The following MVB12B variants were observed in gnomAD, a reference collection of about 807,000 sequenced individuals.
MVB12B encodes the protein multivesicular body subunit 12B, also known as ESCRT-I complex subunit MVB12B.
In MVB12B, 16 loss-of-function variants were observed where a neutral mutation model predicts 41.6. The observed-to-expected ratio is 0.38, with a 90% CI of 0.26 to 0.58. The LOEUF (loss-of-function observed/expected upper bound fraction) is 0.58. Among genes scored for constraint, MVB12B ranks in the 20% least tolerant of loss-of-function variants. MVB12B has a pLI of 0.62. For synonymous variants in MVB12B, 133 were observed against 139.7 expected (o/e 0.95, Z 0.34); for missense variants, 274 against 380.2 (o/e 0.72, Z 2.32).
intron 2 of MVB12B, among the ~76,000 whole-genome samples, chr9:126,366,243 C>G (rs1830178385): frequency 6.6e-6 from 1 of 152,044 alleles, no homozygotes; most frequent in African/African-American, 2.4e-5. Flanking sequence ...TATCCCCACT[C>G]ACCCCTCAAT....
At chr9:126,457,109 C>T (rs1832999596) in intron 7 of MVB12B, among the ~76,000 whole-genome samples, 1 of 152,180 alleles carries the variant, frequency 6.6e-6, no homozygotes, top group Non-Finnish European at 1.5e-5. Flanking sequence ...CTTATTCCTC[C>T]CAGAGTAGAG....
intron 9 of MVB12B, among the ~76,000 whole-genome samples, chr9:126,494,185 T>C (rs1051314350): frequency 6.6e-6 from 1 of 152,148 alleles, no homozygotes; most frequent in African/African-American, 2.4e-5. Context: ...TTTTGACAAA[T>C]ATCTTTGAAT....
chr9:126,460,758 T>A (rs1833072132), intron 7 of MVB12B, among the ~76,000 whole-genome samples: 1 of 152,172 alleles, frequency 6.6e-6, no homozygotes, highest in Non-Finnish European at 1.5e-5. Flanking sequence ...ATGAGAAGAC[T>A]CCCTGGGTTC....
At chr9:126,476,316 C>T (rs375747418) in intron 7 of MVB12B, among the ~76,000 whole-genome samples, 4 of 152,348 alleles carry the variant, frequency 2.6e-5, no homozygotes, top group African/African-American at 9.6e-5. Context: ...GCCCCACCAA[C>T]TCCCCAGGGT....
At chr9:126,424,892 C>T (rs186338605) in intron 7 of MVB12B, among the ~76,000 whole-genome samples, 36 of 152,288 alleles carry the variant, frequency 2.4e-4, no homozygotes, top group Middle Eastern at 3.4e-3. Flanking sequence ...GGATAAGCAC[C>T]GCCACTTCTC....
intron 2 of MVB12B, among the ~76,000 whole-genome samples, chr9:126,351,483 C>CTTTTTTTTT (rs34141510): frequency 2.2e-4 from 19 of 86,314 alleles, no homozygotes; most frequent in Non-Finnish European, 2.5e-4. Flanking sequence ...GTCTTTCACT[C>CTTTTTTTTT]TTTTTTTTTT....
intron 6 of MVB12B, chr9:126,397,400 G>A: frequency 1.0e-6 from 1 of 985,448 alleles, no homozygotes; most frequent in Non-Finnish European, 1.2e-6. Flanking sequence ...GGAGGGTAGT[G>A]CGTCAGAACC....
rs1830942945 is a variant in MVB12B at position 126,391,243 on chromosome 9, G to C, written c.410-823G>C. ...TGAGTCTAATCGAGGCTTTAGCTCT[G>C]CCAGCCTACAGGAGGCACAGGGGAG... On this transcript the variant is annotated intron_variant, in intron 4 of 9. Transcript: ENST00000361171. This position sits in a 1 kb window ranked among gnomAD's most constrained non-coding sequence, Gnocchi z 4.4. Among the ~76,000 whole-genome samples the C allele has an allele frequency of 6.6e-6, 1 of 152,198 alleles. No individual in the cohort carries two copies. Among genetic ancestry groups the C allele is most frequent in the South Asian group, 2.1e-4 (1 of 4,834 alleles).
At chr9:126,334,863 C>G (rs897873839) in intron 1 of MVB12B, among the ~76,000 whole-genome samples, 1 of 152,202 alleles carries the variant, frequency 6.6e-6, no homozygotes, top group African/African-American at 2.4e-5. Flanking sequence ...TGCTGTAGAA[C>G]TTGATCCTGA....
chr9:126,395,893 T>G lies in MVB12B; in HGVS notation c.662+196T>G. ...CATTACATGAATGCAAAGGCCATTC[T>G]ATAGTCTATTTTGTGCGTGTTCTGC... On this transcript the variant is annotated intron_variant, in intron 6 of 9. Transcript: ENST00000361171. The surrounding 1 kb of genome is among the most constrained non-coding windows in gnomAD (Gnocchi z 4.9). 7.1e-7 allele frequency: 1 copy of G among 1,404,282 alleles called. No homozygotes were observed. Among genetic ancestry groups the G allele is most frequent in the Non-Finnish European group, 9.2e-7 (1 of 1,082,434 alleles). 87.0% of individuals were successfully genotyped at this position (1,404,282 alleles called of 1,614,324 possible).
At chr9:126,397,164 A>G in intron 6 of MVB12B, 1 of 985,510 alleles carries the variant, frequency 1.0e-6, no homozygotes, top group Non-Finnish European at 1.2e-6. Flanking sequence ...GTTGCCCTGA[A>G]GTTGTTACAG....
At position 126,389,170 on chromosome 9, in the gene MVB12B, A is replaced by G. The variant is rs1490327216; in HGVS notation, c.409+2512A>G. 1.3e-5 allele frequency among the ~76,000 whole-genome samples: 2 copies of G among 152,120 alleles called. No individual in the cohort carries two copies. The highest frequency in any genetic ancestry group is 2.9e-5 in the Non-Finnish European group (2 of 68,014). On this transcript the variant is annotated intron_variant, in intron 4 of 9. Coordinates refer to ENST00000361171, the MANE Select transcript of MVB12B (RefSeq NM_033446.3). The surrounding 1 kb of genome is among the most constrained non-coding windows in gnomAD (Gnocchi z 4.4). ...GACTCTGAGATCGGTCCTGGGCCCA[A>G]TGCCAGGTGCCTTGTCACACAGGAG... is the stretch of plus-strand genomic sequence containing the variant.
Position 126,484,524 on chromosome 9 carries a change from CT to C in MVB12B, c.873+494del, listed in dbSNP as rs1833593275. On this transcript the variant is annotated intron_variant, in intron 9 of 9. Transcript: ENST00000361171. ...ACTGTGCTTCATGAGGTCAGGGTAC[CT>C]TCTTCCACTGTGCTTCATGAGGTCA... is the stretch of plus-strand genomic sequence containing the variant. Among the ~76,000 whole-genome samples, 2 of 4,070 alleles carry C rather than the reference CT, an allele frequency of 4.9e-4. 1 individual carries two copies. The highest frequency in any genetic ancestry group is 2.0e-3 in the Non-Finnish European group (2 of 976). The allele number at this position is 4,070 out of a possible 152,430, so 2.7% of individuals were successfully genotyped here. A position where few individuals can be genotyped will look rare whatever the true frequency, so the allele number is the denominator to read the frequency against.
rs552536261 is a variant in MVB12B, at chr9:126,483,821, G to A, written c.814-152G>A. The A allele has an allele frequency of 7.3e-4, 567 of 779,168 alleles. 2 individuals are homozygous for A. The Middle Eastern group carries it at 0.015, about 21-fold the overall frequency. 48.3% of individuals were successfully genotyped at this position (779,168 alleles called of 1,614,324 possible). On this transcript the variant is annotated intron_variant, in intron 8 of 9. Coordinates refer to ENST00000361171, the MANE Select transcript of MVB12B (RefSeq NM_033446.3). The stretch of plus-strand genomic sequence containing the variant: ...TCTCCTGCCACCCCCACGCGTGACC[G>A]AGAGTCCCACTGACTGTCTTCCTGT...
chr9:126,400,574 G>A (rs1377620480), intron 6 of MVB12B, among the ~76,000 whole-genome samples: 1 of 152,206 alleles, frequency 6.6e-6, no homozygotes, highest in Non-Finnish European at 1.5e-5. Flanking sequence ...TAGGGTCACA[G>A]ACACCTTGTC....
At chr9:126,373,861 G>A (rs1564295677) in intron 2 of MVB12B, among the ~76,000 whole-genome samples, 1 of 151,708 alleles carries the variant, frequency 6.6e-6, no homozygotes, top group South Asian at 2.1e-4. Context: ...AAATACAGGG[G>A]AAAAAAAAGA....
chr9:126,445,490 G>C (rs1832744785), intron 7 of MVB12B, among the ~76,000 whole-genome samples: 1 of 152,124 alleles, frequency 6.6e-6, no homozygotes. Flanking sequence ...TTTTAGTAGA[G>C]ACAGGGTTTC....
At chr9:126,327,948 C>A (rs1180717991) in intron 1 of MVB12B, among the ~76,000 whole-genome samples, 2 of 152,198 alleles carry the variant, frequency 1.3e-5, no homozygotes, top group African/African-American at 2.4e-5. Flanking sequence ...ACCAGCTCCT[C>A]TTAGGGGCCT....
chr9:126,433,953 A>G (rs1376246215), intron 7 of MVB12B, among the ~76,000 whole-genome samples: 2 of 152,204 alleles, frequency 1.3e-5, no homozygotes, highest in Admixed American at 6.5e-5. Flanking sequence ...ATGCGGTGCC[A>G]GAACTTGGGG....
Sources: allele counts gnomAD v4.1 joint callset (sites outside exome capture counted in the v4.1 genomes callset), GRCh38; gene constraint gnomAD v4.1.1; non-coding constraint Gnocchi (gnomAD v3.1); transcripts MANE v1.5; gene names NCBI Gene and HGNC (gene_info 2026-07-23, HGNC 2026-07-21).